GPCPD1: variants seen among roughly 807,000 people sequenced by gnomAD.
GPCPD1 encodes the protein glycerophosphocholine phosphodiesterase GPCPD1.
Under a neutral mutation model 89.2 loss-of-function variants are expected in GPCPD1, and 29 were observed. That is an observed-to-expected ratio of 0.33 (90% CI 0.24 to 0.44). The LOEUF is 0.44. GPCPD1 is among the 20% of genes least tolerant of loss of function. The pLI is 1.00. For missense variants in GPCPD1, 594 were observed against 808.9 expected (o/e 0.73, Z 3.22); for synonymous variants, 258 against 266.3 (o/e 0.97, Z 0.30).
Position 5,566,780 on chromosome 20 carries a change from G to A in GPCPD1, c.1228-8C>T. The A allele has an allele frequency of 6.4e-7, 1 of 1,568,984 alleles. No homozygotes were observed. Among genetic ancestry groups the A allele is most frequent in the Non-Finnish European group, 8.8e-7 (1 of 1,139,340 alleles). ...TGCAGTCACATGAGTGAGCTAGAAAGCACACAAACAAAATGAAATCAGAAA... is the reference window on the plus strand; with the variant it reads ...TGCAGTCACATGAGTGAGCTAGAAAACACACAAACAAAATGAAATCAGAAA... On this transcript the variant is annotated splice_polypyrimidine_tract_variant and splice_region_variant and intron_variant, in intron 13 of 19. Coordinates refer to ENST00000379019, the MANE Select transcript of GPCPD1 (RefSeq NM_019593.5).
chr20:5,577,155 C>A (rs112444772), intron 8 of GPCPD1, among the ~76,000 whole-genome samples: 20,894 of 149,514 alleles, frequency 0.14, 1,732 homozygotes, highest in Middle Eastern at 0.21. Context: ...ACCTCCGCCT[C>A]CCAGGTTCAA....
At chr20:5,558,198 C>T (rs538348587) in intron 18 of GPCPD1, 93 bp from the exon 19 acceptor site, 1 of 679,714 alleles carries the variant, frequency 1.5e-6, no homozygotes, top group Admixed American at 3.0e-5. Context: ...CAAAGTACAG[C>T]AGGCGGGAAA....
At chr20:5,574,289 G>A (rs1978284996) in intron 10 of GPCPD1, among the ~76,000 whole-genome samples, 1 of 152,198 alleles carries the variant, frequency 6.6e-6, no homozygotes, top group Non-Finnish European at 1.5e-5. Context: ...AGAAGAAATA[G>A]AGACATAGAA....
At chr20:5,574,556 G>A (rs1415285937) in intron 10 of GPCPD1, among the ~76,000 whole-genome samples, 1 of 152,144 alleles carries the variant, frequency 6.6e-6, no homozygotes, top group Non-Finnish European at 1.5e-5. Flanking sequence ...GCAACAAGGT[G>A]AGACCCGGTC....
At chr20:5,547,998 G>A (rs3747912) in intron 19 of GPCPD1, 148 bp from the exon 20 acceptor site, 74,502 of 471,992 alleles carry the variant, frequency 0.16, 6,375 homozygotes, top group East Asian at 0.17. Context: ...AAAGATGAAA[G>A]TATCCATTCT....
At position 5,598,832 on chromosome 20, in the gene GPCPD1, A is replaced by G; in HGVS notation, c.50-11T>C. On this transcript the variant is annotated splice_polypyrimidine_tract_variant and intron_variant, in intron 2 of 19. Coordinates refer to ENST00000379019, the MANE Select transcript of GPCPD1 (RefSeq NM_019593.5). ...TCGCAAAAACTTCTCCTAAAGAAAC[A>G]GAACAATCAGTCACAGAGAAACAGA... The G allele has an allele frequency of 6.5e-7, 1 of 1,529,064 alleles. No individual in the cohort carries two copies. The highest frequency in any genetic ancestry group is 9.1e-7 in the Non-Finnish European group (1 of 1,103,060). The allele number at this position is 1,529,064 out of a possible 1,614,324, so 94.7% of individuals were successfully genotyped here. A position where few individuals can be genotyped will look rare whatever the true frequency, so the allele number is the denominator to read the frequency against.
At chr20:5,571,267 C>T (rs1305304073) in intron 11 of GPCPD1, among the ~76,000 whole-genome samples, 2 of 152,174 alleles carry the variant, frequency 1.3e-5, no homozygotes, top group African/African-American at 4.8e-5. Context: ...CAAGACAATA[C>T]CAAAACCCTT....
intron 2 of GPCPD1, among the ~76,000 whole-genome samples, chr20:5,602,880 G>A (rs537339560): frequency 6.6e-6 from 1 of 151,740 alleles, no homozygotes; most frequent in African/African-American, 2.4e-5. Context: ...CTACTCAGGA[G>A]CCCAAAACAG....
In GPCPD1 at chr20:5,580,240, T is replaced by TA. The variant is rs778081763; in HGVS notation, c.350-110dup. 8.6e-4 allele frequency: 483 copies of TA among 563,876 alleles called. 1 individual carries two copies. The highest frequency in any genetic ancestry group is 1.4e-3 in the Non-Finnish European group (441 of 315,052). 34.9% of individuals were successfully genotyped at this position (563,876 alleles called of 1,614,324 possible). The stretch of plus-strand genomic sequence containing the variant: ...CTAGTTCACATTCACTTTTTTTTTT[T>TA]AACCTCCAAAGGAAATACATTTTTT... On this transcript the variant is annotated intron_variant, in intron 6 of 19. Transcript: ENST00000379019.
intron 4 of GPCPD1, among the ~76,000 whole-genome samples, chr20:5,587,364 T>C (rs1443229196): frequency 6.6e-6 from 1 of 152,036 alleles, no homozygotes; most frequent in Non-Finnish European, 1.5e-5. Flanking sequence ...AGGCATTATA[T>C]TACACATACT....
At chr20:5,589,588 C>T (rs1054934115) in intron 4 of GPCPD1, among the ~76,000 whole-genome samples, 3 of 152,044 alleles carry the variant, frequency 2.0e-5, no homozygotes, top group South Asian at 2.1e-4. Context: ...GCAACAAGAG[C>T]GAAACTCCAT....
intron 11 of GPCPD1, among the ~76,000 whole-genome samples, chr20:5,573,231 C>T (rs554075480): frequency 3.9e-5 from 6 of 152,120 alleles, no homozygotes; most frequent in African/African-American, 7.2e-5. Context: ...ATAACAGGCG[C>T]GGGCCACCAT....
chr20:5,609,880 T>C (rs1980840785), intron 1 of GPCPD1, among the ~76,000 whole-genome samples: 1 of 151,342 alleles, frequency 6.6e-6, no homozygotes, highest in Non-Finnish European at 1.5e-5. Context: ...TACCTTGTAT[T>C]TATTTCTTAG....
chr20:5,605,774 A>C (rs1980542831), intron 1 of GPCPD1, among the ~76,000 whole-genome samples: 1 of 152,000 alleles, frequency 6.6e-6, no homozygotes, highest in African/African-American at 2.4e-5. Context: ...CTTTCTACAC[A>C]AATAACTTTT....
intron 8 of GPCPD1, among the ~76,000 whole-genome samples, chr20:5,576,651 TTTATG>T (rs1332483057): frequency 3.3e-5 from 5 of 152,166 alleles, no homozygotes; most frequent in Non-Finnish European, 7.4e-5. Context: ...TCTAATCACT[TTTATG>T]TTGTTGTAAG....
chr20:5,561,631 T>C (rs1986084831), intron 15 of GPCPD1, 101 bp from the exon 16 acceptor site: 3 of 609,056 alleles, frequency 4.9e-6, no homozygotes, highest in Non-Finnish European at 8.7e-6. Context: ...TAAGAATTTA[T>C]CATTAGTAGC....
At chr20:5,563,529 G>A (rs893796381) in intron 15 of GPCPD1, among the ~76,000 whole-genome samples, 7 of 151,938 alleles carry the variant, frequency 4.6e-5, no homozygotes, top group African/African-American at 1.7e-4. Context: ...TTATTTTTGA[G>A]ACAGGATCTC....
chr20:5,545,932 T>C lies in GPCPD1; in HGVS notation c.*1729A>G, dbSNP rs901212081. Reference sequence around the variant, plus strand: ...AAATGGAGCCAGCACTGGGAAGGCATAGGAGAGGAGCAAAGGAGCAGGACT... The same window carrying C: ...AAATGGAGCCAGCACTGGGAAGGCACAGGAGAGGAGCAAAGGAGCAGGACT... On this transcript the variant is annotated 3_prime_UTR_variant, in exon 20 of 20. Transcript: ENST00000379019. The C allele has an allele frequency of 6.6e-6, 1 of 152,214 alleles. No individual in the cohort carries two copies. Among genetic ancestry groups the C allele is most frequent in the Non-Finnish European group, 1.5e-5 (1 of 68,062 alleles). The allele number at this position is 152,214 out of a possible 1,614,324, so 9.4% of individuals were successfully genotyped here. A position where few individuals can be genotyped will look rare whatever the true frequency, so the allele number is the denominator to read the frequency against.
intron 19 of GPCPD1, chr20:5,549,230 A>C (rs564237897): frequency 2.8e-5 from 21 of 744,110 alleles, no homozygotes; most frequent in Non-Finnish European, 4.3e-5. Flanking sequence ...TAGAGACTCT[A>C]CTGTGTCTTA....
Sources: gnomAD v4.1 joint callset for allele counts (sites outside exome capture counted in the v4.1 genomes callset) on GRCh38, gnomAD v4.1.1 for gene constraint, MANE v1.5 for transcripts, NCBI Gene and HGNC (gene_info 2026-07-23, HGNC 2026-07-21) for gene names.